The following CHN2 variants were observed in gnomAD, a reference collection of about 807,000 sequenced individuals.
The protein encoded by CHN2 is chimerin 2, also known as beta-chimaerin.
In CHN2, 35 loss-of-function variants were observed where a neutral mutation model predicts 56.3. The ratio of observed to expected loss-of-function variants is 0.62; its 90% CI spans 0.47 to 0.82. The LOEUF is 0.82. CHN2 is among the 40% of genes least tolerant of loss of function. The pLI is 0.00. For synonymous variants in CHN2, 210 were observed against 212.8 expected (o/e 0.99, Z 0.12); for missense variants, 491 against 580.5 (o/e 0.85, Z 1.58).
chr7:29,469,966 G>A (rs1785891071), intron 6 of CHN2, among the ~76,000 whole-genome samples: 2 of 152,146 alleles, frequency 1.3e-5, no homozygotes, highest in African/African-American at 4.8e-5. Flanking sequence ...GGGAGAGAAG[G>A]AAGGAAGGAG....
intron 2 of CHN2, among the ~76,000 whole-genome samples, chr7:29,165,593 C>G (rs1795804317): frequency 2.0e-5 from 3 of 152,132 alleles, no homozygotes; most frequent in Admixed American, 2.0e-4. Flanking sequence ...GTTACAATGA[C>G]AAGTAGAAGT....
Position 29,232,414 on chromosome 7 carries a change from G to T in CHN2, c.49+37424G>T, listed in dbSNP as rs545405361. On this transcript the variant is annotated intron_variant, in intron 1 of 12. Transcript: ENST00000222792. Reference sequence around the variant, plus strand: ...CTCATCCTTTTACGTCTACAGCCAGGAAGCCTCAGTAAATTACTCTCCTGG... The same window carrying T: ...CTCATCCTTTTACGTCTACAGCCAGTAAGCCTCAGTAAATTACTCTCCTGG... Among the ~76,000 whole-genome samples the T allele has an allele frequency of 1.5e-4, 23 of 152,252 alleles. 1 individual carries two copies. In the South Asian group the frequency reaches 4.8e-3, roughly 32 times the overall value.
intron 2 of CHN2, among the ~76,000 whole-genome samples, chr7:29,166,111 G>A (rs976517729): frequency 6.6e-6 from 1 of 152,174 alleles, no homozygotes; most frequent in South Asian, 2.1e-4. Flanking sequence ...GCTCACTGTA[G>A]CCTTGATTTC....
chr7:29,275,321 G>A (rs1217865281), intron 1 of CHN2, among the ~76,000 whole-genome samples: 1 of 152,112 alleles, frequency 6.6e-6, no homozygotes, highest in East Asian at 1.9e-4. Context: ...TTCCAGGTTG[G>A]CATGGGAATT....
chr7:29,361,920 G>T (rs561125357), intron 2 of CHN2, among the ~76,000 whole-genome samples: 1 of 152,312 alleles, frequency 6.6e-6, no homozygotes, highest in Non-Finnish European at 1.5e-5. Context: ...CCTCATCTGT[G>T]TACCAGTAAA....
rs1791062088 is a variant in CHN2 at position 29,274,935 on chromosome 7, T to TG, written c.50-79687dup. ...ATCACCCAGCGCAGAGGAAAGGGTG[T>TG]GGGAGGAGGGTGTTGGGCAGGGTGG... On this transcript the variant is annotated intron_variant, in intron 1 of 12. Coordinates refer to ENST00000222792, the MANE Select transcript of CHN2 (RefSeq NM_004067.4). Among the ~76,000 whole-genome samples the TG allele has an allele frequency of 2.0e-5, 3 of 152,080 alleles. No individual in the cohort carries two copies. In the South Asian group the frequency reaches 6.3e-4, roughly 32 times the overall value.
At chr7:29,452,155 T>C (rs1784452282) in intron 6 of CHN2, among the ~76,000 whole-genome samples, 1 of 152,228 alleles carries the variant, frequency 6.6e-6, no homozygotes. Context: ...CTACAAATTA[T>C]ATAGTTGGGA....
chr7:29,257,683 C>T (rs1382859012), intron 1 of CHN2, among the ~76,000 whole-genome samples: 1 of 152,224 alleles, frequency 6.6e-6, no homozygotes, highest in Non-Finnish European at 1.5e-5. Context: ...AGAGTCAGGC[C>T]TTCTGTCCTT....
chr7:29,450,462 AGAG>A (rs895574986), intron 6 of CHN2, among the ~76,000 whole-genome samples: 1 of 152,220 alleles, frequency 6.6e-6, no homozygotes, highest in Admixed American at 6.5e-5. Flanking sequence ...AGACAGTCAC[AGAG>A]GAGAAGTCCG....
At chr7:29,401,993 C>A (rs1388962665) in intron 6 of CHN2, among the ~76,000 whole-genome samples, 1 of 150,946 alleles carries the variant, frequency 6.6e-6, no homozygotes, top group Non-Finnish European at 1.5e-5. Context: ...AGGGCTGGGA[C>A]AGATAGAAAT....
intron 1 of CHN2, chr7:29,212,538 C>G (rs1408596677): frequency 6.6e-7 from 1 of 1,512,592 alleles, no homozygotes; most frequent in East Asian, 2.3e-5. Flanking sequence ...CCCATTGCTG[C>G]AGAGAATAAT....
chr7:29,305,069 A>G (rs1794034742), intron 1 of CHN2, among the ~76,000 whole-genome samples: 1 of 152,162 alleles, frequency 6.6e-6, no homozygotes, highest in African/African-American at 2.4e-5. Context: ...GGAAAGGGAC[A>G]CTGAAGGGAG....
At chr7:29,265,862 A>G (rs1200985461) in intron 1 of CHN2, among the ~76,000 whole-genome samples, 1 of 152,190 alleles carries the variant, frequency 6.6e-6, no homozygotes, top group African/African-American at 2.4e-5. Context: ...CTGTTTTAAA[A>G]GGTAAAAATT....
At chr7:29,264,223 C>T (rs1488395299) in intron 1 of CHN2, among the ~76,000 whole-genome samples, 1 of 151,156 alleles carries the variant, frequency 6.6e-6, no homozygotes, top group African/African-American at 2.4e-5. Flanking sequence ...GCCACCACCC[C>T]GTCTGGGAGG....
intron 6 of CHN2, among the ~76,000 whole-genome samples, chr7:29,451,840 T>C (rs1784429226): frequency 6.6e-6 from 1 of 152,154 alleles, no homozygotes; most frequent in Admixed American, 6.5e-5. Context: ...GCTTGTGTCT[T>C]CTGAATCCCA....
intron 1 of CHN2, among the ~76,000 whole-genome samples, chr7:29,300,349 T>C (rs1005099034): frequency 6.6e-6 from 1 of 152,150 alleles, no homozygotes; most frequent in Non-Finnish European, 1.5e-5. Context: ...GAGACAGGAC[T>C]TGGCCATTAG....
chr7:29,401,649 G>A (rs1585271840), intron 6 of CHN2, among the ~76,000 whole-genome samples: 2 of 152,300 alleles, frequency 1.3e-5, no homozygotes, highest in Middle Eastern at 3.4e-3. Flanking sequence ...ATATGGGAAC[G>A]TGGCTATCTC....
intron 7 of CHN2, among the ~76,000 whole-genome samples, chr7:29,494,912 CTCA>C (rs1348960400): frequency 8.2e-6 from 1 of 122,136 alleles, no homozygotes; most frequent in East Asian, 2.8e-4. Context: ...TGTGACCACA[CTCA>C]TCATCCTGCT....
intron 1 of CHN2, among the ~76,000 whole-genome samples, chr7:29,238,649 G>C (rs1318453866): frequency 6.6e-6 from 1 of 152,140 alleles, no homozygotes; most frequent in Non-Finnish European, 1.5e-5. Context: ...AAGAAAAAAT[G>C]GGGCAAATAT....
Sources: allele counts gnomAD v4.1 joint callset (sites outside exome capture counted in the v4.1 genomes callset), GRCh38; gene constraint gnomAD v4.1.1; transcripts MANE v1.5; gene names NCBI Gene and HGNC (gene_info 2026-07-23, HGNC 2026-07-21).